The following USP46 variants were observed in gnomAD, a reference collection of about 807,000 sequenced individuals.
The protein encoded by USP46 is ubiquitin specific peptidase 46, also known as ubiquitin carboxyl-terminal hydrolase 46.
Under a neutral mutation model 44.4 loss-of-function variants are expected in USP46, and 12 were observed. The ratio of observed to expected loss-of-function variants is 0.27; its 90% CI spans 0.17 to 0.44. The LOEUF (loss-of-function observed/expected upper bound fraction) is 0.44, where lower values mean the gene tolerates loss of function less well. Ranked by LOEUF, USP46 falls within the 20% of genes least tolerant of loss-of-function variation. USP46 has a pLI of 1.00. For synonymous variants in USP46, 155 were observed against 161.5 expected (o/e 0.96, Z 0.31); for missense variants, 248 against 444.8 (o/e 0.56, Z 3.98).
At chr4:52,613,887 CAG>C (rs1360133703) in intron 4 of USP46, among the ~76,000 whole-genome samples, 1 of 152,076 alleles carries the variant, frequency 6.6e-6, no homozygotes, top group East Asian at 1.9e-4. Context: ...TGGGATGACC[CAG>C]ATGTTGGAAT....
chr4:52,614,531 T>A (rs1421873947), intron 4 of USP46, among the ~76,000 whole-genome samples: 1 of 151,876 alleles, frequency 6.6e-6, no homozygotes, highest in Non-Finnish European at 1.5e-5. Context: ...AAGAAAAAAA[T>A]GATTAGCCTG....
Position 52,602,534 on chromosome 4 carries a change from G to A in USP46, c.723-480C>T, listed in dbSNP as rs12646800. Among the ~76,000 whole-genome samples the A allele has an allele frequency of 1.7e-3, 258 of 152,200 alleles. 5 individuals carry two copies. The East Asian group carries it at 0.042, about 25-fold the overall frequency. ...CTTCTGACACACACTCTTGGGCATC[G>A]GGACACCAAGCGTGCCAGGCTCACT... On this transcript the variant is annotated intron_variant, in intron 6 of 8. Transcript: ENST00000441222.
chr4:52,593,168 A>AT lies in USP46; in HGVS notation c.*4471dup. On this transcript the variant is annotated 3_prime_UTR_variant, in exon 9 of 9. Coordinates refer to ENST00000441222, the MANE Select transcript of USP46 (RefSeq NM_022832.4). The stretch of plus-strand genomic sequence containing the variant: ...TTTAGTAAAGGTATTTTAAGTATCA[A>AT]TAAAAAGAGAGGAAAGGAAATTTGA... The AT allele has an allele frequency of 2.6e-6, 1 of 383,022 alleles. No individual in the cohort carries two copies. The highest frequency in any genetic ancestry group is 3.7e-5 in the East Asian group (1 of 27,054). The allele number at this position is 383,022 out of a possible 1,614,324, so 23.7% of individuals were successfully genotyped here. A position where few individuals can be genotyped will look rare whatever the true frequency, so the allele number is the denominator to read the frequency against.
chr4:52,622,359 T>A (rs896572566), intron 4 of USP46, among the ~76,000 whole-genome samples: 6 of 152,174 alleles, frequency 3.9e-5, no homozygotes, highest in African/African-American at 1.2e-4. Flanking sequence ...ATTTCCTAAT[T>A]TAAAAAATAA....
chr4:52,632,989 G>GAAAGAAAAA (rs1717954136), intron 1 of USP46, among the ~76,000 whole-genome samples: 1 of 31,978 alleles, frequency 3.1e-5, no homozygotes, highest in Non-Finnish European at 6.9e-5. Flanking sequence ...AGAAAGAAAA[G>GAAAGAAAAA]AAAAGAAAGA....
intron 2 of USP46, chr4:52,628,481 G>T (rs1717683582): frequency 4.3e-6 from 1 of 233,196 alleles, no homozygotes; most frequent in Non-Finnish European, 8.4e-6. Flanking sequence ...AGAAAGAGAA[G>T]GGGAAAAAAA....
intron 1 of USP46, among the ~76,000 whole-genome samples, chr4:52,650,002 A>G (rs533926837): frequency 1.3e-5 from 2 of 152,336 alleles, no homozygotes; most frequent in African/African-American, 4.8e-5. Flanking sequence ...CTGCATGTCA[A>G]TAAAGCTCCA....
chr4:52,638,400 C>T lies in USP46; in HGVS notation c.37-7256G>A, dbSNP rs530720548. On this transcript the variant is annotated intron_variant, in intron 1 of 8. Transcript: ENST00000441222. Reference sequence around the variant, plus strand: ...AGCCTCTGGAAGGTGTACAGCCCTGCTGCACCTGGATTTTAAGGCTTGTGA... The same window carrying T: ...AGCCTCTGGAAGGTGTACAGCCCTGTTGCACCTGGATTTTAAGGCTTGTGA... Among the ~76,000 whole-genome samples the T allele has an allele frequency of 1.9e-4, 29 of 152,088 alleles. No individual in the cohort carries two copies. In the South Asian group the frequency reaches 5.4e-3, roughly 28 times the overall value.
chr4:52,631,242 T>G lies in USP46; in HGVS notation c.37-98A>C, dbSNP rs138415224. The stretch of plus-strand genomic sequence containing the variant: ...CTACTATTGAGACAAGCATCTTCCC[T>G]GGTCAACACGGTATTTGTTGATGTT... On this transcript the variant is annotated intron_variant, in intron 1 of 8. Transcript: ENST00000441222. 1,158 of 873,416 alleles carry G rather than the reference T, an allele frequency of 1.3e-3. 13 individuals carry two copies. In the African/African-American group the frequency reaches 0.018, roughly 14 times the overall value. 54.1% of individuals were successfully genotyped at this position (873,416 alleles called of 1,614,324 possible).
At chr4:52,616,362 C>T (rs1365217338) in intron 4 of USP46, among the ~76,000 whole-genome samples, 1 of 151,932 alleles carries the variant, frequency 6.6e-6, no homozygotes, top group African/African-American at 2.4e-5. Flanking sequence ...CTTCCCTTTT[C>T]CTTCCTTCCT....
rs1718097920 is a variant in USP46 at position 52,635,955 on chromosome 4, GTTTA to G, written c.37-4815_37-4812del. The stretch of plus-strand genomic sequence containing the variant: ...TGTGTAGGGGTTCACTGTGCTTTCT[GTTTA>G]TTTTTCACATCGATGTATATAGGCA... On this transcript the variant is annotated intron_variant, in intron 1 of 8. Coordinates refer to ENST00000441222, the MANE Select transcript of USP46 (RefSeq NM_022832.4). Among the ~76,000 whole-genome samples the G allele has an allele frequency of 3.9e-5, 6 of 152,062 alleles. No individual in the cohort carries two copies. In the South Asian group the frequency reaches 1.2e-3, roughly 32 times the overall value.
chr4:52,616,409 G>C lies in USP46; in HGVS notation c.562-5792C>G, dbSNP rs559919777. Among the ~76,000 whole-genome samples, 5 of 150,318 alleles carry C rather than the reference G, an allele frequency of 3.3e-5. No homozygotes were observed. The South Asian group carries it at 6.3e-4, about 19-fold the overall frequency. ...CTTCTTTGAGACGGAGTCTTGCTTTGTCACTCAGGCTGGAGTGCAGTGGTG... is the reference window on the plus strand; with the variant it reads ...CTTCTTTGAGACGGAGTCTTGCTTTCTCACTCAGGCTGGAGTGCAGTGGTG... On this transcript the variant is annotated intron_variant, in intron 4 of 8. Transcript: ENST00000441222.
chr4:52,599,265 G>T (rs1716362083), intron 7 of USP46, among the ~76,000 whole-genome samples: 1 of 152,094 alleles, frequency 6.6e-6, no homozygotes, highest in Middle Eastern at 3.4e-3. Context: ...GAGGGGTAGG[G>T]GTGGGGGTCA....
chr4:52,645,920 G>A (rs995704544), intron 1 of USP46, among the ~76,000 whole-genome samples: 10 of 150,546 alleles, frequency 6.6e-5, no homozygotes, highest in Admixed American at 4.6e-4. Flanking sequence ...TTTCTCTCTT[G>A]CTCTCTCCTG....
rs1716185222 is a variant in USP46 at position 52,595,384 on chromosome 4, T to TG, written c.*2255dup. 1 of 152,678 alleles carries TG rather than the reference T, an allele frequency of 6.5e-6. No individual in the cohort carries two copies. The allele number at this position is 152,678 out of a possible 1,614,324, so 9.5% of individuals were successfully genotyped here. ...ATAGCTCTAAATTTTAAAAAGCTGA[T>TG]GGAGTGTTGCTGGAGAAGTGTGTTT... On this transcript the variant is annotated 3_prime_UTR_variant, in exon 9 of 9. Coordinates refer to ENST00000441222, the MANE Select transcript of USP46 (RefSeq NM_022832.4).
At chr4:52,654,613 C>T (rs561292224) in intron 1 of USP46, among the ~76,000 whole-genome samples, 2 of 152,220 alleles carry the variant, frequency 1.3e-5, no homozygotes, top group South Asian at 4.2e-4. Context: ...CTAGGCTGAT[C>T]TTGAATTCCT....
rs1483529220 is a variant in USP46 at position 52,659,091 on chromosome 4, C to A, written c.36+24G>T. The A allele has an allele frequency of 1.3e-6, 2 of 1,553,702 alleles. No individual in the cohort carries two copies. The highest frequency in any genetic ancestry group is 1.7e-6 in the Non-Finnish European group (2 of 1,152,002). On this transcript the variant is annotated intron_variant, in intron 1 of 8. Coordinates refer to ENST00000441222, the MANE Select transcript of USP46 (RefSeq NM_022832.4). This position sits in a 1 kb window ranked among gnomAD's most constrained non-coding sequence, Gnocchi z 4.2. ...TTGCCTCGCCGCGAGTCGGGCGCGA[C>A]CCCGAGGCGGCTCGGCCACTCACCA...
rs7681298 is a variant in USP46 at position 52,612,946 on chromosome 4, T to C, written c.562-2329A>G. On this transcript the variant is annotated intron_variant, in intron 4 of 8. Coordinates refer to ENST00000441222, the MANE Select transcript of USP46 (RefSeq NM_022832.4). ...TCGCTAAAATGAAAGTTCAAAAGAC[T>C]GGCTTCCATAGTAACTAAGATCCCA... 6.3e-3 allele frequency among the ~76,000 whole-genome samples: 961 copies of C among 152,320 alleles called. 1 individual carries two copies. The highest frequency in any genetic ancestry group is 0.019 in the African/African-American group (784 of 41,564).
At chr4:52,630,111 A>G (rs1717761022) in intron 2 of USP46, among the ~76,000 whole-genome samples, 1 of 152,188 alleles carries the variant, frequency 6.6e-6, no homozygotes, top group Non-Finnish European at 1.5e-5. Flanking sequence ...ATCCCAGAGA[A>G]AAAGGATCAA....
Sources: allele counts gnomAD v4.1 joint callset (sites outside exome capture counted in the v4.1 genomes callset), GRCh38; gene constraint gnomAD v4.1.1; non-coding constraint Gnocchi (gnomAD v3.1); transcripts MANE v1.5; gene names NCBI Gene and HGNC (gene_info 2026-07-23, HGNC 2026-07-21).